The following PIP5K1C variants were observed in gnomAD, a reference collection of about 807,000 sequenced individuals.
PIP5K1C encodes phosphatidylinositol 4-phosphate 5-kinase type-1 gamma.
In PIP5K1C, 45 loss-of-function variants were observed where a neutral mutation model predicts 80.1. That is an observed-to-expected ratio of 0.56 (90% CI 0.44 to 0.72). PIP5K1C has a LOEUF of 0.72. Ranked by LOEUF, PIP5K1C falls within the 30% of genes least tolerant of loss-of-function variation. The pLI, the probability that PIP5K1C is intolerant of heterozygous loss-of-function variation, is 0.00. For synonymous variants in PIP5K1C, 498 were observed against 420.1 expected (o/e 1.19, Z -2.27); for missense variants, 753 against 954.6 (o/e 0.79, Z 2.78).
rs549465785 is a variant in PIP5K1C at position 3,676,955 on chromosome 19, A to C, written c.95-9602T>G. Among the ~76,000 whole-genome samples, 414 of 152,152 alleles carry C rather than the reference A, an allele frequency of 2.7e-3. 3 individuals are homozygous for C. The highest frequency in any genetic ancestry group is 9.4e-3 in the African/African-American group (389 of 41,508). ...ATCTCTACAAAAAAATTTAAATATT[A>C]GCCAGGAGTGGTGGTGCACACCTGT... is the stretch of plus-strand genomic sequence containing the variant. On this transcript the variant is annotated intron_variant, in intron 1 of 17. Transcript: ENST00000335312.
Position 3,644,166 on chromosome 19 carries a change from G to A in PIP5K1C, c.1431C>T (p.Ala477=), listed in dbSNP as rs1321378645. The change falls in exon 12 of 18, where the codon GCC becomes GCT. Residue 477 remains alanine, a synonymous_variant. Transcript: ENST00000335312. ...KPLGPTAAFS[A]SQIPSEREEA... ...CCTCCCGCTCGCTAGGGATCTGGCT[G>A]GCCGAGAAGGCAGCGGTGGGCCCCA... The A allele has an allele frequency of 1.9e-6, 3 of 1,612,290 alleles. No homozygotes were observed. Among genetic ancestry groups the A allele is most frequent in the South Asian group, 2.2e-5 (2 of 91,082 alleles).
intron 16 of PIP5K1C, among the ~76,000 whole-genome samples, chr19:3,635,911 C>T (rs886321106): frequency 3.9e-5 from 6 of 151,990 alleles, no homozygotes; most frequent in Admixed American, 2.6e-4. Context: ...ACCCGGGAGG[C>T]GGAACTTGCA....
At position 3,644,187 on chromosome 19, in the gene PIP5K1C, C is replaced by T. The variant is rs1489523005; in HGVS notation, c.1410G>A (p.Gly470=). 1.2e-6 allele frequency: 2 copies of T among 1,612,302 alleles called. No individual in the cohort carries two copies. The highest frequency in any genetic ancestry group is 1.7e-4 in the Middle Eastern group (1 of 6,034). ...GGALLAVKPL[G]PTAAFSASQI... is the part of the protein sequence containing the mutation. Reference sequence around the variant, plus strand: ...GGCTGGCCGAGAAGGCAGCGGTGGGCCCCAGCGGTTTCACAGCTAGCAAGG... The same window carrying T: ...GGCTGGCCGAGAAGGCAGCGGTGGGTCCCAGCGGTTTCACAGCTAGCAAGG... The change falls in exon 12 of 18, where the codon GGG becomes GGA. Residue 470 remains glycine (G), a synonymous_variant. Transcript: ENST00000335312.
chr19:3,656,884 C>T (rs765602456), intron 5 of PIP5K1C, among the ~76,000 whole-genome samples: 11 of 152,232 alleles, frequency 7.2e-5, no homozygotes, highest in Non-Finnish European at 1.6e-4. Context: ...ACCCCTGAAG[C>T]TGGGTGGGGC....
At chr19:3,665,945 G>GCAGCCCT (rs923985213) in intron 2 of PIP5K1C, among the ~76,000 whole-genome samples, 1 of 152,126 alleles carries the variant, frequency 6.6e-6, no homozygotes, top group African/African-American at 2.4e-5. Flanking sequence ...GGACACGCCT[G>GCAGCCCT]CAGCCCTGAC....
At chr19:3,670,766 G>A (rs1193259049) in intron 1 of PIP5K1C, among the ~76,000 whole-genome samples, 1 of 152,240 alleles carries the variant, frequency 6.6e-6, no homozygotes, top group East Asian at 1.9e-4. Flanking sequence ...GGTGGGCAGC[G>A]GGTGGGCCCT....
chr19:3,653,270 G>A lies in PIP5K1C; in HGVS notation c.921+20C>T, dbSNP rs370163122. ...GTCCCACCTGCCACCCTCCCTCCCC[G>A]GCCGGGGCCGAGCCCTCACCAGGCA... On this transcript the variant is annotated intron_variant, in intron 7 of 17. Transcript: ENST00000335312. 371 of 1,600,086 alleles carry A rather than the reference G, an allele frequency of 2.3e-4. 2 individuals are homozygous for A. In the African/African-American group the frequency reaches 3.9e-3, roughly 17 times the overall value.
chr19:3,694,868 C>A (rs1002759062), intron 1 of PIP5K1C, among the ~76,000 whole-genome samples: 2 of 152,228 alleles, frequency 1.3e-5, no homozygotes, highest in South Asian at 2.1e-4. Flanking sequence ...CACCGCCCAA[C>A]GCAGCCCGGC....
chr19:3,677,284 A>G (rs1184839863), intron 1 of PIP5K1C, among the ~76,000 whole-genome samples: 1 of 151,914 alleles, frequency 6.6e-6, no homozygotes, highest in Non-Finnish European at 1.5e-5. Flanking sequence ...TGAAAAGAAA[A>G]AGAGAAAGTT....
rs902544231 is a variant in PIP5K1C at position 3,632,898 on chromosome 19, G to A, written c.*269C>T. The stretch of plus-strand genomic sequence containing the variant: ...CCTAAAACGGCACACACGTGCTTCC[G>A]TCTCTGTGCCAAATAAGGACTCAAA... On this transcript the variant is annotated 3_prime_UTR_variant, in exon 18 of 18. Transcript: ENST00000335312. 11 of 506,552 alleles carry A rather than the reference G, an allele frequency of 2.2e-5. No homozygotes were observed. The highest frequency in any genetic ancestry group is 2.0e-4 in the East Asian group (6 of 29,820). The allele number at this position is 506,552 out of a possible 1,614,324, so 31.4% of individuals were successfully genotyped here. A position where few individuals can be genotyped will look rare whatever the true frequency, so the allele number is the denominator to read the frequency against.
rs2035862085 is a variant in PIP5K1C, at chr19:3,688,965, G to A, written c.94+11332C>T. On this transcript the variant is annotated intron_variant, in intron 1 of 17. Coordinates refer to ENST00000335312, the MANE Select transcript of PIP5K1C (RefSeq NM_012398.3). The surrounding 1 kb of genome is among the most constrained non-coding windows in gnomAD (Gnocchi z 5.3). ...CGGGATGGGGCTGGGGGGTGGGGGG[G>A]GCTTGGCGCACGCGGCCTATGGTCT... Among the ~76,000 whole-genome samples the A allele has an allele frequency of 6.6e-6, 1 of 152,118 alleles. No homozygotes were observed.
intron 1 of PIP5K1C, among the ~76,000 whole-genome samples, chr19:3,687,177 G>C (rs1426650113): frequency 2.0e-5 from 3 of 150,914 alleles, no homozygotes; most frequent in African/African-American, 7.3e-5. Flanking sequence ...TGGGTGAAAA[G>C]AGTGAGACTC....
In PIP5K1C at chr19:3,644,066, ACTCTGCC is replaced by A; in HGVS notation, c.1510+14_1510+20del. 6.2e-7 allele frequency: 1 copy of A among 1,609,322 alleles called. No homozygotes were observed. The highest frequency in any genetic ancestry group is 8.5e-7 in the Non-Finnish European group (1 of 1,179,658). ...CACCCCCTGTAGCGCCCACAAGCGC[ACTCTGCC>A]CTCTGCCCCTCACCTTCGTCCTCCA... On this transcript the variant is annotated intron_variant, in intron 12 of 17. Transcript: ENST00000335312.
At chr19:3,684,714 C>G (rs2035699033) in intron 1 of PIP5K1C, among the ~76,000 whole-genome samples, 2 of 152,252 alleles carry the variant, frequency 1.3e-5, no homozygotes, top group African/African-American at 2.4e-5. Flanking sequence ...AATCCCACCA[C>G]AGACGCACCC....
chr19:3,641,864 C>T, intron 14 of PIP5K1C, 55 bp from the exon 15 acceptor site: 4 of 1,419,420 alleles, frequency 2.8e-6, no homozygotes, highest in South Asian at 1.2e-5. Flanking sequence ...CCCCATCCTA[C>T]CCCCAGGAGT....
chr19:3,642,881 A>C, intron 14 of PIP5K1C, 26 bp downstream of exon 14: 1 of 1,605,698 alleles, frequency 6.2e-7, no homozygotes, highest in South Asian at 1.1e-5. Flanking sequence ...GGTGAGACCC[A>C]GGGAAGGAAG....
At chr19:3,659,836 A>G (rs919195385) in intron 5 of PIP5K1C, among the ~76,000 whole-genome samples, 2 of 152,154 alleles carry the variant, frequency 1.3e-5, no homozygotes, top group Admixed American at 1.3e-4. Flanking sequence ...ACGCACAGTC[A>G]GCAACCACCA....
At chr19:3,697,236 G>A (rs566935269) in intron 1 of PIP5K1C, among the ~76,000 whole-genome samples, 26 of 150,242 alleles carry the variant, frequency 1.7e-4, no homozygotes, top group Middle Eastern at 3.6e-3. Context: ...GGGGAGGACC[G>A]AGCTGGACCC....
chr19:3,673,130 G>T (rs1284591217), intron 1 of PIP5K1C, among the ~76,000 whole-genome samples: 1 of 147,596 alleles, frequency 6.8e-6, no homozygotes, highest in African/African-American at 2.5e-5. Context: ...CCCCCTCCCT[G>T]CCCTCTGCTC....
Sources: allele counts gnomAD v4.1 joint callset (sites outside exome capture counted in the v4.1 genomes callset), GRCh38; gene constraint gnomAD v4.1.1; non-coding constraint Gnocchi (gnomAD v3.1); transcripts MANE v1.5; gene names NCBI Gene and HGNC (gene_info 2026-07-23, HGNC 2026-07-21).